The following SMAD6 variants were observed in gnomAD, a reference collection of about 807,000 sequenced individuals.
SMAD6 encodes SMAD family member 6, also known as MAD homolog 6.
Under a neutral mutation model 39.4 loss-of-function variants are expected in SMAD6, and 103 were observed. That is an observed-to-expected ratio of 2.62 (90% CI 2.23 to 3.08). The LOEUF (loss-of-function observed/expected upper bound fraction) is 3.08, where lower values mean the gene tolerates loss of function less well. SMAD6 is among the 30% of genes most tolerant of loss of function. SMAD6 has a pLI of 0.00. For missense variants in SMAD6, 1,104 were observed against 742.9 expected (o/e 1.49, Z -5.65); for synonymous variants, 445 against 353.3 (o/e 1.26, Z -2.91).
intron 3 of SMAD6, among the ~76,000 whole-genome samples, chr15:66,745,140 A>G (rs1893885006): frequency 6.6e-6 from 1 of 152,098 alleles, no homozygotes; most frequent in African/African-American, 2.4e-5. Flanking sequence ...TGGCACCCCC[A>G]GGGGGTATGG....
At chr15:66,716,742 G>A (rs779608247) in intron 3 of SMAD6, among the ~76,000 whole-genome samples, 1 of 152,204 alleles carries the variant, frequency 6.6e-6, no homozygotes, top group Non-Finnish European at 1.5e-5. Flanking sequence ...TTAACCAGTT[G>A]TCTCTCTCTT....
At chr15:66,733,247 G>A (rs1893660805) in intron 3 of SMAD6, among the ~76,000 whole-genome samples, 1 of 152,028 alleles carries the variant, frequency 6.6e-6, no homozygotes, top group Non-Finnish European at 1.5e-5. Context: ...TGAGTCTTTT[G>A]TCTTTTTCAA....
At chr15:66,716,375 C>A in intron 2 of SMAD6, 46 bp from the exon 3 acceptor site, 1 of 1,346,616 alleles carries the variant, frequency 7.4e-7, no homozygotes, top group Non-Finnish European at 1.1e-6. Flanking sequence ...AAAAAGAGAG[C>A]GCTGCCCCAC....
At position 66,716,470 on chromosome 15, in the gene SMAD6, C is replaced by T. The variant is rs747551969; in HGVS notation, c.924C>T (p.Ser308=). ...ACACTGAAACGGAGGCTACCAACTC[C>T]CTCATCACTGCTCCGGGTGAATTCT... The part of the protein sequence containing the change: ...LSYTETEATN[S]LITAPGEFSD... Residue 308 remains serine (S), a synonymous_variant, in exon 3 of 4, where the codon TCC becomes TCT. Transcript: ENST00000288840. 1 of 1,613,624 alleles carries T rather than the reference C, an allele frequency of 6.2e-7. No individual in the cohort carries two copies. Among genetic ancestry groups the T allele is most frequent in the Non-Finnish European group, 8.5e-7 (1 of 1,179,488 alleles).
At chr15:66,753,180 C>T (rs1313214640) in intron 3 of SMAD6, among the ~76,000 whole-genome samples, 1 of 152,198 alleles carries the variant, frequency 6.6e-6, no homozygotes, top group African/African-American at 2.4e-5. Flanking sequence ...GCCTCCCATG[C>T]ATTTCCCACA....
rs762125816 is a variant in SMAD6, at chr15:66,781,144, G to C, written c.1100G>C (p.Cys367Ser). The change falls in exon 4 of 4, where the codon TGC (cysteine) becomes TCC (serine). Residue 367 changes from cysteine (C) to serine (S), a missense_variant. By Grantham distance (112) the Cys-to-Ser change is moderately radical. Coordinates refer to ENST00000288840, the MANE Select transcript of SMAD6 (RefSeq NM_005585.5). ...GACCTACCTCAGGGCAGCGGCTTCT[G>C]CCTGGGCCAGCTCAACCTGGAGCAG... The part of the protein sequence containing the change: ...FYDLPQGSGF[C>S]LGQLNLEQRS... The C allele has an allele frequency of 6.2e-7, 1 of 1,608,254 alleles. No individual in the cohort carries two copies. Among genetic ancestry groups the C allele is most frequent in the East Asian group, 2.2e-5 (1 of 44,858 alleles).
At chr15:66,768,467 T>G (rs1201648722) in intron 3 of SMAD6, among the ~76,000 whole-genome samples, 1 of 152,248 alleles carries the variant, frequency 6.6e-6, no homozygotes, top group Non-Finnish European at 1.5e-5. Context: ...CCATTTACTT[T>G]CATAGACTTA....
chr15:66,727,307 T>A (rs529673142), intron 3 of SMAD6, among the ~76,000 whole-genome samples: 2 of 152,258 alleles, frequency 1.3e-5, no homozygotes, highest in African/African-American at 4.8e-5. Flanking sequence ...TTCACCATGT[T>A]GGCCAGGCTG....
At chr15:66,742,109 C>T (rs953621100) in intron 3 of SMAD6, among the ~76,000 whole-genome samples, 2 of 152,196 alleles carry the variant, frequency 1.3e-5, no homozygotes, top group Non-Finnish European at 2.9e-5. Flanking sequence ...TAGTCACTTA[C>T]TCAGAGCTAG....
At chr15:66,724,279 C>G (rs1893482869) in intron 3 of SMAD6, among the ~76,000 whole-genome samples, 1 of 128,654 alleles carries the variant, frequency 7.8e-6, no homozygotes, top group African/African-American at 3.1e-5. Flanking sequence ...GCCAGGGAGT[C>G]ATTGTGGAAT....
At chr15:66,758,870 T>C (rs1052735692) in intron 3 of SMAD6, among the ~76,000 whole-genome samples, 1 of 152,000 alleles carries the variant, frequency 6.6e-6, no homozygotes, top group African/African-American at 2.4e-5. Context: ...TAGAAGTCAA[T>C]GCTAAAGAAA....
At position 66,749,896 on chromosome 15, in the gene SMAD6, G is replaced by C. The variant is rs527766332; in HGVS notation, c.953-31101G>C. 3.3e-5 allele frequency among the ~76,000 whole-genome samples: 5 copies of C among 152,314 alleles called. No individual in the cohort carries two copies. In the South Asian group the frequency reaches 8.3e-4, roughly 25 times the overall value. ...GTTGTTCAGAGTTGCTGGGACAGTG[G>C]AGCCTGCTGCAGATTGGATTTGGCT... On this transcript the variant is annotated intron_variant, in intron 3 of 3. Coordinates refer to ENST00000288840, the MANE Select transcript of SMAD6 (RefSeq NM_005585.5).
Position 66,704,375 on chromosome 15 carries a change from G to A in SMAD6, c.817+300G>A, listed in dbSNP as rs940951456. ...GCTCCAACTTCATAGGCAGTGAAAG[G>A]GGAGGGCAGGCCAAGGAGAGACCAA... On this transcript the variant is annotated intron_variant, in intron 1 of 3. Coordinates refer to ENST00000288840, the MANE Select transcript of SMAD6 (RefSeq NM_005585.5). The A allele has an allele frequency of 1.7e-5, 5 of 287,158 alleles. No individual in the cohort carries two copies. The East Asian group carries it at 1.7e-4, about 10-fold the overall frequency. The allele number at this position is 287,158 out of a possible 1,614,324, so 17.8% of individuals were successfully genotyped here.
intron 1 of SMAD6, among the ~76,000 whole-genome samples, chr15:66,708,918 T>G (rs1195133978): frequency 6.6e-6 from 1 of 152,252 alleles, no homozygotes; most frequent in Non-Finnish European, 1.5e-5. Flanking sequence ...AGGATGAATC[T>G]TAGGGTATGT....
Position 66,711,684 on chromosome 15 carries a change from C to T in SMAD6, c.834C>T (p.Pro278=). ...RLCGPESPPP[P]YSRLSPRDEY... Reference sequence around the variant, plus strand: ...GTCTTCCAGAATCTCCGCCACCTCCCTACTCTCGGCTGTCTCCTCGCGACG... The same window carrying T: ...GTCTTCCAGAATCTCCGCCACCTCCTTACTCTCGGCTGTCTCCTCGCGACG... Residue 278 remains proline (P), a synonymous_variant, in exon 2 of 4, where the codon CCC becomes CCT. Coordinates refer to ENST00000288840, the MANE Select transcript of SMAD6 (RefSeq NM_005585.5). 1.2e-6 allele frequency: 2 copies of T among 1,614,004 alleles called. No homozygotes were observed. Among genetic ancestry groups the T allele is most frequent in the Non-Finnish European group, 1.7e-6 (2 of 1,179,886 alleles).
chr15:66,758,971 A>C (rs777189226), intron 3 of SMAD6, among the ~76,000 whole-genome samples: 4 of 152,236 alleles, frequency 2.6e-5, no homozygotes, highest in Admixed American at 6.5e-5. Context: ...CTTTTTCTGT[A>C]AAATGGATAG....
At chr15:66,718,864 T>G in intron 3 of SMAD6, among the ~76,000 whole-genome samples, 1 of 151,970 alleles carries the variant, frequency 6.6e-6, no homozygotes. Context: ...TTCTGCAAGA[T>G]GGAATGCAAG....
At chr15:66,742,976 G>C (rs1289134710) in intron 3 of SMAD6, among the ~76,000 whole-genome samples, 1 of 152,156 alleles carries the variant, frequency 6.6e-6, no homozygotes, top group Non-Finnish European at 1.5e-5. Flanking sequence ...CAGTTAGCAT[G>C]TGGTGGTGGT....
intron 3 of SMAD6, among the ~76,000 whole-genome samples, chr15:66,753,748 T>G (rs1468545497): frequency 6.6e-6 from 1 of 152,216 alleles, no homozygotes; most frequent in Admixed American, 6.5e-5. Context: ...CATTTTTTTT[T>G]CTTCCTCTTC....
Sources: gnomAD v4.1 joint callset for allele counts (sites outside exome capture counted in the v4.1 genomes callset) on GRCh38, gnomAD v4.1.1 for gene constraint, MANE v1.5 for transcripts, NCBI Gene and HGNC (gene_info 2026-07-23, HGNC 2026-07-21) for gene names.